Variants in ZNF670 observed in about 807,000 individuals in gnomAD.
ZNF670 encodes the protein zinc finger protein 670.
In ZNF670, 7 loss-of-function variants were observed where a neutral mutation model predicts 10.9. The observed-to-expected ratio is 0.64, with a 90% CI of 0.36 to 1.20. The LOEUF is 1.20. ZNF670 is among the 50% of genes most tolerant of loss of function. The pLI is 0.02. For synonymous variants in ZNF670, 136 were observed against 152.7 expected, an observed-to-expected ratio of 0.89 and a Z score of 0.81; for missense variants, 446 against 458.6, an observed-to-expected ratio of 0.97 and a Z score of 0.25.
chr1:247,070,831 AACAG>A (rs1180256060), intron 1 of ZNF670, among the ~76,000 whole-genome samples: 8 of 152,374 alleles, frequency 5.3e-5, no homozygotes, highest in Non-Finnish European at 1.0e-4. Context: ...CAAGAATATG[AACAG>A]ACACTTCTCC....
intron 1 of ZNF670, among the ~76,000 whole-genome samples, chr1:247,076,449 G>C (rs1442229914): frequency 6.6e-6 from 1 of 151,630 alleles, no homozygotes; most frequent in Non-Finnish European, 1.5e-5. Flanking sequence ...GTAGAGATGG[G>C]GTTTCATCAC....
chr1:247,050,861 G>A (rs1670575473), intron 1 of ZNF670, among the ~76,000 whole-genome samples: 1 of 152,058 alleles, frequency 6.6e-6, no homozygotes, highest in Non-Finnish European at 1.5e-5. Context: ...GAGATGTAAG[G>A]TACCCTTCTA....
chr1:247,078,570 G>A (rs781538828), intron 1 of ZNF670, 24 bp downstream of exon 1: 2 of 1,613,684 alleles, frequency 1.2e-6, no homozygotes, highest in South Asian at 1.1e-5. Context: ...TCCCCTTCCC[G>A]AGACACCTGG....
rs1670151622 is a variant in ZNF670 at position 247,036,419 on chromosome 1, G to A, written c.*1030C>T. 6.6e-6 allele frequency among the ~76,000 whole-genome samples: 1 copy of A among 152,184 alleles called. No individual in the cohort carries two copies. Among genetic ancestry groups the A allele is most frequent in the South Asian group, 2.1e-4 (1 of 4,824 alleles). ...AGTAACCCCAACATGTAGACAGGCTGAGGCAGGAGGATAGCTTGAGGCCAG... is the reference window on the plus strand; with the variant it reads ...AGTAACCCCAACATGTAGACAGGCTAAGGCAGGAGGATAGCTTGAGGCCAG... On this transcript the variant is annotated 3_prime_UTR_variant, in exon 4 of 4. Coordinates refer to ENST00000366503, the MANE Select transcript of ZNF670 (RefSeq NM_033213.5).
Position 247,034,965 on chromosome 1 carries a change from G to A in ZNF670, c.*2484C>T, listed in dbSNP as rs944851680. ...TGGAACATACATCCTCCTGGGGAACGGCTGGTCAACCAGTCATGTCTAGGA... is the reference window on the plus strand; with the variant it reads ...TGGAACATACATCCTCCTGGGGAACAGCTGGTCAACCAGTCATGTCTAGGA... On this transcript the variant is annotated 3_prime_UTR_variant, in exon 4 of 4. Coordinates refer to ENST00000366503, the MANE Select transcript of ZNF670 (RefSeq NM_033213.5). Among the ~76,000 whole-genome samples, 6 of 152,198 alleles carry A rather than the reference G, an allele frequency of 3.9e-5. No individual in the cohort carries two copies. The East Asian group carries it at 9.6e-4, about 24-fold the overall frequency.
At chr1:247,073,099 G>A (rs1671176614) in intron 1 of ZNF670, among the ~76,000 whole-genome samples, 1 of 151,994 alleles carries the variant, frequency 6.6e-6, no homozygotes, top group African/African-American at 2.4e-5. Flanking sequence ...CCTGGACGGT[G>A]AGCCCATGAC....
chr1:247,063,240 T>A (rs984955829), intron 1 of ZNF670, among the ~76,000 whole-genome samples: 1 of 152,178 alleles, frequency 6.6e-6, no homozygotes, highest in African/African-American at 2.4e-5. Context: ...GATAATATTG[T>A]CGTGAACTAG....
chr1:247,048,363 C>G (rs980893859), intron 1 of ZNF670, among the ~76,000 whole-genome samples: 1 of 152,154 alleles, frequency 6.6e-6, no homozygotes, highest in Non-Finnish European at 1.5e-5. Flanking sequence ...CCAAGAAGAT[C>G]CTCATTTCCA....
rs535082821 is a variant in ZNF670 at position 247,067,703 on chromosome 1, G to A, written c.3+10891C>T. Among the ~76,000 whole-genome samples the A allele has an allele frequency of 3.7e-3, 555 of 148,910 alleles. 2 individuals carry two copies. The highest frequency in any genetic ancestry group is 6.1e-3 in the Non-Finnish European group (407 of 66,848). On this transcript the variant is annotated intron_variant, in intron 1 of 3. Coordinates refer to ENST00000366503, the MANE Select transcript of ZNF670 (RefSeq NM_033213.5). ...TAAAAATACAAAAAATTAGCCGGGC[G>A]TAGTGGCGGGCGCCTGTAGTCCCAG...
At chr1:247,043,204 T>C in intron 1 of ZNF670, 1 of 712,904 alleles carries the variant, frequency 1.4e-6, no homozygotes, top group Non-Finnish European at 2.6e-6. Flanking sequence ...ACAAGGGCCA[T>C]ACGCATCACT....
chr1:247,068,946 G>A (rs2103070682), intron 1 of ZNF670, among the ~76,000 whole-genome samples: 2 of 149,336 alleles, frequency 1.3e-5, no homozygotes, highest in South Asian at 4.3e-4. Context: ...AATATCGCAT[G>A]TTCTCACTTA....
At chr1:247,045,508 G>A (rs1047339061) in intron 1 of ZNF670, among the ~76,000 whole-genome samples, 2 of 152,122 alleles carry the variant, frequency 1.3e-5, no homozygotes, top group Admixed American at 1.3e-4. Flanking sequence ...TGGCTTGCCT[G>A]TTCCCCCTCT....
At position 247,039,433 on chromosome 1, in the gene ZNF670, GA is replaced by G. The variant is rs765253681; in HGVS notation, c.107del (p.Ile36ThrfsTer8). ...TACCTACAGAAGCCAGGTTCCTGAA[GA>G]TTTCTTGCATCACATCTCTGTAGAG... ...KNLYRDVMQE[I>X]FRNLASVGNK... On this transcript the variant is annotated frameshift_variant, in exon 2 of 4. Transcript: ENST00000366503. LOFTEE classifies it high-confidence loss of function. 7.5e-6 allele frequency: 12 copies of G among 1,603,844 alleles called. No homozygotes were observed. The South Asian group carries it at 1.1e-4, about 15-fold the overall frequency.
At chr1:247,067,241 G>C (rs1335502533) in intron 1 of ZNF670, among the ~76,000 whole-genome samples, 1 of 151,418 alleles carries the variant, frequency 6.6e-6, no homozygotes, top group Non-Finnish European at 1.5e-5. Flanking sequence ...TTCAAGACCA[G>C]CCTGGCCAAC....
In ZNF670 at chr1:247,035,107, T is replaced by G. The variant is rs1670117056; in HGVS notation, c.*2342A>C. On this transcript the variant is annotated 3_prime_UTR_variant, in exon 4 of 4. Coordinates refer to ENST00000366503, the MANE Select transcript of ZNF670 (RefSeq NM_033213.5). Reference sequence around the variant, plus strand: ...TCTAATTCAGGTGACTTCTGTTATATTATGGAACCAGTTAGACAAAAGCAG... The same window carrying G: ...TCTAATTCAGGTGACTTCTGTTATAGTATGGAACCAGTTAGACAAAAGCAG... 6.6e-6 allele frequency among the ~76,000 whole-genome samples: 1 copy of G among 152,230 alleles called. No individual in the cohort carries two copies. The highest frequency in any genetic ancestry group is 6.5e-5 in the Admixed American group (1 of 15,286).
chr1:247,056,989 G>T (rs928582657), intron 1 of ZNF670, among the ~76,000 whole-genome samples: 2 of 152,058 alleles, frequency 1.3e-5, no homozygotes, highest in Admixed American at 1.3e-4. Flanking sequence ...AACCAAACAT[G>T]GACGAATGAG....
At chr1:247,078,446 G>A in intron 1 of ZNF670, 148 bp downstream of exon 1, 1 of 1,000,616 alleles carries the variant, frequency 1.0e-6, no homozygotes, top group Non-Finnish European at 1.5e-6. Context: ...GGGTCTGGCT[G>A]CGGGTCCAGC....
chr1:247,051,575 G>A (rs952524095), intron 1 of ZNF670, among the ~76,000 whole-genome samples: 2 of 152,126 alleles, frequency 1.3e-5, no homozygotes, highest in Admixed American at 6.5e-5. Flanking sequence ...TAGATAACCT[G>A]ATGAGTATGC....
intron 1 of ZNF670, among the ~76,000 whole-genome samples, chr1:247,040,422 A>G (rs550651113): frequency 1.3e-5 from 2 of 152,314 alleles, no homozygotes; most frequent in Admixed American, 6.5e-5. Context: ...TGTCATCAAG[A>G]TATCACCTCT....
Sources: allele counts gnomAD v4.1 joint callset (sites outside exome capture counted in the v4.1 genomes callset), GRCh38; gene constraint gnomAD v4.1.1; transcripts MANE v1.5; gene names NCBI Gene and HGNC (gene_info 2026-07-23, HGNC 2026-07-21).